Variants in DIAPH3 observed in about 807,000 individuals in gnomAD.
DIAPH3 encodes the protein protein diaphanous homolog 3.
DIAPH3 carries 117 observed loss-of-function variants against 144.3 expected under a neutral mutation model. The observed-to-expected ratio is 0.81, with a 90% CI of 0.70 to 0.95. The LOEUF (loss-of-function observed/expected upper bound fraction) is 0.95, where lower values mean the gene tolerates loss of function less well. Among genes scored for constraint, DIAPH3 ranks in the 40% least tolerant of loss-of-function variants. The probability of loss-of-function intolerance (pLI) is 0.00; values close to 1 mark genes in which losing one functional copy is unlikely to be tolerated. For missense variants in DIAPH3, 1,421 were observed against 1,412.7 expected (o/e 1.01, Z -0.09); for synonymous variants, 519 against 488.9 (o/e 1.06, Z -0.81).
chr13:59,791,111 G>A (rs1440973979), intron 25 of DIAPH3, among the ~76,000 whole-genome samples: 1 of 152,056 alleles, frequency 6.6e-6, no homozygotes, highest in East Asian at 1.9e-4. Flanking sequence ...GAGTACCTGA[G>A]ACTATACCAT....
rs761168229 is a variant in DIAPH3 at position 59,839,472 on chromosome 13, C to T, written c.2738-24G>A. The T allele has an allele frequency of 5.0e-6, 8 of 1,608,516 alleles. No individual in the cohort carries two copies. In the East Asian group the frequency reaches 1.6e-4, roughly 32 times the overall value. ...GACTAAAAGAGAGTATATTAAATGC[C>T]CGGAAAGGACAAAATTATAATATAT... On this transcript the variant is annotated intron_variant, in intron 22 of 27. Coordinates refer to ENST00000400324, the MANE Select transcript of DIAPH3 (RefSeq NM_001042517.2).
intron 1 of DIAPH3, among the ~76,000 whole-genome samples, chr13:60,156,918 C>CATATATATATATATATATATATATAT (rs1233542016): frequency 1.3e-4 from 7 of 55,670 alleles, no homozygotes; most frequent in African/African-American, 1.6e-4. Flanking sequence ...CCAGATCCTT[C>CATATATATATATATATATATATATAT]ATATATATAT....
At chr13:60,044,242 G>A (rs1176148354) in intron 4 of DIAPH3, 3 of 152,172 alleles carry the variant, frequency 2.0e-5, no homozygotes, top group Non-Finnish European at 4.4e-5. Flanking sequence ...TTCAAAAGAA[G>A]ATCAGGTGAA....
rs200684775 is a variant in DIAPH3, at chr13:59,810,809, G to C, written c.3142C>G (p.Arg1048Gly). ...TCACCAGTCTTCATTTCTAATAAAC[G>C]CTTTTTCTTTTGTTGGCGTTCGAGT... is the stretch of plus-strand genomic sequence containing the variant. Reference protein sequence around the residue: ...ERLERQQKKKRLLEMKTEGDE... With the variant: ...ERLERQQKKKGLLEMKTEGDE... The change falls in exon 25 of 28, where the codon CGT (arginine) becomes GGT (glycine). Residue 1048 changes from arginine (R) to glycine (G), a missense_variant. Transcript: ENST00000400324. 5 of 1,613,348 alleles carry C rather than the reference G, an allele frequency of 3.1e-6. No homozygotes were observed. Among genetic ancestry groups the C allele is most frequent in the Non-Finnish European group, 4.2e-6 (5 of 1,179,840 alleles).
chr13:59,751,288 G>A (rs1160226353), intron 27 of DIAPH3, among the ~76,000 whole-genome samples: 1 of 152,186 alleles, frequency 6.6e-6, no homozygotes, highest in Non-Finnish European at 1.5e-5. Flanking sequence ...TCGCTTCATG[G>A]CACAAAGATC....
At chr13:59,720,704 A>G (rs2035300589) in intron 27 of DIAPH3, among the ~76,000 whole-genome samples, 1 of 152,222 alleles carries the variant, frequency 6.6e-6, no homozygotes, top group South Asian at 2.1e-4. Flanking sequence ...TATAAAACTG[A>G]ATATATGAGG....
intron 1 of DIAPH3, among the ~76,000 whole-genome samples, chr13:60,136,031 T>C (rs957790147): frequency 1.3e-5 from 2 of 152,218 alleles, no homozygotes; most frequent in African/African-American, 4.8e-5. Context: ...CCTGCCTGTT[T>C]GGCTTATACA....
intron 25 of DIAPH3, among the ~76,000 whole-genome samples, chr13:59,789,001 A>G (rs2039185285): frequency 6.6e-6 from 1 of 152,212 alleles, no homozygotes; most frequent in Non-Finnish European, 1.5e-5. Flanking sequence ...TAAAATTACT[A>G]AAGAAAGCAA....
chr13:59,756,998 C>T (rs2037313124), intron 27 of DIAPH3, among the ~76,000 whole-genome samples: 1 of 152,138 alleles, frequency 6.6e-6, no homozygotes. Flanking sequence ...CTAAGAAATA[C>T]TGAGAAGGTT....
At chr13:59,820,840 C>G (rs2041031756) in intron 24 of DIAPH3, among the ~76,000 whole-genome samples, 1 of 149,784 alleles carries the variant, frequency 6.7e-6, no homozygotes, top group Non-Finnish European at 1.5e-5. Flanking sequence ...ATTTATTTAA[C>G]TATTAAAGTA....
At chr13:60,014,273 T>A (rs1268113200) in intron 7 of DIAPH3, among the ~76,000 whole-genome samples, 2 of 152,126 alleles carry the variant, frequency 1.3e-5, no homozygotes, top group Non-Finnish European at 2.9e-5. Flanking sequence ...TTCTATGTAC[T>A]TAGTGGGCAA....
At chr13:59,700,168 TGGGGAAAGATGAA>T (rs2034023704) in intron 27 of DIAPH3, among the ~76,000 whole-genome samples, 1 of 152,162 alleles carries the variant, frequency 6.6e-6, no homozygotes, top group African/African-American at 2.4e-5. Context: ...ATTTCTACCA[TGGGGAAAGATGAA>T]GGGGGAGGAA....
chr13:59,905,028 C>A (rs2140199266), intron 20 of DIAPH3, among the ~76,000 whole-genome samples: 1 of 152,044 alleles, frequency 6.6e-6, no homozygotes, highest in East Asian at 1.9e-4. Context: ...GGAAAAGAAT[C>A]CTCACTTATA....
chr13:59,810,985 T>G, intron 24 of DIAPH3, 62 bp from the exon 25 acceptor site: 1 of 1,453,936 alleles, frequency 6.9e-7, no homozygotes, highest in Non-Finnish European at 9.4e-7. Flanking sequence ...AATGGAAAGT[T>G]ATCTATTTGA....
intron 27 of DIAPH3, among the ~76,000 whole-genome samples, chr13:59,675,912 G>A (rs1445800216): frequency 1.3e-5 from 2 of 152,264 alleles, no homozygotes; most frequent in East Asian, 3.9e-4. Context: ...AATAACTTGC[G>A]AGCTGTATTA....
Position 59,828,720 on chromosome 13 carries a change from A to G in DIAPH3, c.3027+4387T>C, listed in dbSNP as rs1009926713. 3.3e-5 allele frequency among the ~76,000 whole-genome samples: 5 copies of G among 151,752 alleles called. No individual in the cohort carries two copies. The South Asian group carries it at 1.0e-3, about 32-fold the overall frequency. ...ATCTAGTAAGAAGTAACTTCAAACC[A>G]TGACAGTTGTTTTGGTTTTGTTCTG... On this transcript the variant is annotated intron_variant, in intron 24 of 27. Transcript: ENST00000400324.
intron 27 of DIAPH3, among the ~76,000 whole-genome samples, chr13:59,752,990 T>G (rs2037088751): frequency 6.6e-6 from 1 of 152,184 alleles, no homozygotes; most frequent in Non-Finnish European, 1.5e-5. Context: ...AACTCTTTAT[T>G]AGTGGTAAGT....
chr13:59,778,279 C>G (rs1233216226), intron 25 of DIAPH3, among the ~76,000 whole-genome samples: 1 of 152,174 alleles, frequency 6.6e-6, no homozygotes, highest in Admixed American at 6.5e-5. Context: ...AATACATATA[C>G]CAATAAATTC....
intron 5 of DIAPH3, among the ~76,000 whole-genome samples, chr13:60,030,419 G>A (rs1566682761): frequency 1.3e-5 from 2 of 152,064 alleles, no homozygotes. Flanking sequence ...ACCTCATCTA[G>A]TATTCCAAAC....
Sources: gnomAD v4.1 joint callset for allele counts (sites outside exome capture counted in the v4.1 genomes callset) on GRCh38, gnomAD v4.1.1 for gene constraint, MANE v1.5 for transcripts, NCBI Gene and HGNC (gene_info 2026-07-23, HGNC 2026-07-21) for gene names.